The following TRIM37 variants were observed in gnomAD, a reference collection of about 807,000 sequenced individuals.
The protein encoded by TRIM37 is tripartite motif containing 37, also known as E3 ubiquitin-protein ligase TRIM37.
A neutral mutation model predicts 129.8 loss-of-function variants in TRIM37; 80 were observed. The ratio of observed to expected loss-of-function variants is 0.62; its 90% CI spans 0.51 to 0.74. The LOEUF (loss-of-function observed/expected upper bound fraction) is 0.74, where lower values mean the gene tolerates loss of function less well. Among genes scored for constraint, TRIM37 ranks in the 30% least tolerant of loss-of-function variants. TRIM37 has a pLI of 0.00. For synonymous variants in TRIM37, 389 were observed against 387.1 expected (o/e 1.00, Z -0.06); for missense variants, 1,054 against 1,176.5 (o/e 0.90, Z 1.52).
intron 1 of TRIM37, 197 bp from the exon 2 acceptor site, chr17:59,104,591 G>A (rs951983900): frequency 1.6e-5 from 12 of 740,490 alleles, no homozygotes; most frequent in Admixed American, 5.3e-5. Flanking sequence ...TTGGTTTCAC[G>A]ATGATTCTAT....
chr17:59,054,716 G>A (rs2040670789), intron 13 of TRIM37, among the ~76,000 whole-genome samples: 1 of 152,078 alleles, frequency 6.6e-6, no homozygotes, highest in Non-Finnish European at 1.5e-5. Flanking sequence ...CCAGGCTGGG[G>A]TGCAGTGGCA....
At chr17:59,042,425 G>A (rs1490063305) in intron 16 of TRIM37, among the ~76,000 whole-genome samples, 5 of 43,534 alleles carry the variant, frequency 1.1e-4, no homozygotes, top group Non-Finnish European at 1.5e-4. Context: ...AAGAAAAAAA[G>A]GAATTTAAAA....
chr17:59,005,319 T>C (rs1341806465), intron 22 of TRIM37, among the ~76,000 whole-genome samples: 1 of 152,196 alleles, frequency 6.6e-6, no homozygotes, highest in Non-Finnish European at 1.5e-5. Context: ...CGTCTCACTC[T>C]GTCACCCAGG....
In TRIM37 at chr17:59,075,717, G is replaced by C; in HGVS notation, c.617-3C>G. On this transcript the variant is annotated splice_polypyrimidine_tract_variant and splice_region_variant and intron_variant, in intron 7 of 23. Transcript: ENST00000262294. ...TTGGGTTAGAGATGTCTTCTGACCT[G>C]ATGAAAAATAGTGAATCATCAACAC... is the stretch of plus-strand genomic sequence containing the variant. 1.2e-6 allele frequency: 2 copies of C among 1,606,372 alleles called. No individual in the cohort carries two copies. Among genetic ancestry groups the C allele is most frequent in the Non-Finnish European group, 1.7e-6 (2 of 1,174,882 alleles).
intron 22 of TRIM37, among the ~76,000 whole-genome samples, chr17:59,009,070 G>A (rs761022224): frequency 2.0e-5 from 3 of 152,138 alleles, no homozygotes; most frequent in Non-Finnish European, 4.4e-5. Context: ...AGAGAGAGGC[G>A]ACAGTTAAGA....
At chr17:58,974,124 G>A in the TRIM37 span, among the ~76,000 whole-genome samples, 8 of 152,190 alleles carry the variant, frequency 5.3e-5, no homozygotes, top group Non-Finnish European at 7.4e-5. Context: ...GTGAGATCCT[G>A]TCTTAAAACA....
intron 17 of TRIM37, among the ~76,000 whole-genome samples, chr17:59,034,995 C>G (rs2038300595): frequency 6.6e-6 from 1 of 152,138 alleles, no homozygotes; most frequent in Non-Finnish European, 1.5e-5. Context: ...CTTTGGTCAA[C>G]ATTATTCATG....
intron 19 of TRIM37, among the ~76,000 whole-genome samples, chr17:59,017,849 C>T (rs966017156): frequency 2.0e-5 from 3 of 152,048 alleles, no homozygotes; most frequent in Admixed American, 6.6e-5. Flanking sequence ...GGGTCTCGAA[C>T]ACCTGAACTC....
At chr17:59,049,057 T>C (rs909752148) in intron 15 of TRIM37, 121 bp downstream of exon 15, 1 of 785,426 alleles carries the variant, frequency 1.3e-6, no homozygotes, top group South Asian at 1.5e-5. Flanking sequence ...CATACATTAC[T>C]AATGGAAATC....
chr17:59,014,911 C>CA (rs754096852), intron 21 of TRIM37, among the ~76,000 whole-genome samples: 2,945 of 133,678 alleles, frequency 0.022, 50 homozygotes, highest in African/African-American at 0.051. Flanking sequence ...CTAAAAATAC[C>CA]AAAAAAAAAA....
chr17:58,980,972 C>T (rs1052773038), downstream of TRIM37: 2 of 1,613,864 alleles, frequency 1.2e-6, no homozygotes, highest in African/African-American at 2.7e-5. This position sits in a 1 kb window ranked among gnomAD's most constrained non-coding sequence, Gnocchi z 4.7. Context: ...CATGAGGAAG[C>T]TCAGAAAGAC....
intron 18 of TRIM37, among the ~76,000 whole-genome samples, 172 bp from the exon 19 acceptor site, chr17:59,028,895 C>T (rs574382885): frequency 2.0e-5 from 3 of 152,106 alleles, no homozygotes; most frequent in African/African-American, 7.2e-5. Context: ...AAGAATCCTA[C>T]CTTATTCACA....
chr17:59,024,519 A>G (rs2037009855), intron 19 of TRIM37, among the ~76,000 whole-genome samples: 1 of 152,156 alleles, frequency 6.6e-6, no homozygotes, highest in Non-Finnish European at 1.5e-5. Context: ...AAAGATCTCA[A>G]TTGCCCAAAT....
At chr17:59,015,904 G>A in intron 20 of TRIM37, 105 bp from the exon 21 acceptor site, 1 of 1,086,748 alleles carries the variant, frequency 9.2e-7, no homozygotes, top group South Asian at 1.3e-5. Flanking sequence ...ACTTGAACCT[G>A]GGAGGCGGAG....
intron 19 of TRIM37, among the ~76,000 whole-genome samples, chr17:59,022,734 G>T: frequency 6.6e-6 from 1 of 152,074 alleles, no homozygotes; most frequent in East Asian, 1.9e-4. Flanking sequence ...TACTAAACAG[G>T]TTTAGTAACC....
chr17:59,004,836 C>T (rs955856506), intron 22 of TRIM37, among the ~76,000 whole-genome samples: 3 of 152,196 alleles, frequency 2.0e-5, no homozygotes, highest in African/African-American at 7.2e-5. Flanking sequence ...TTCAGTGGTA[C>T]ACTCTTCCTT....
chr17:59,064,539 AT>A, intron 9 of TRIM37, 134 bp from the exon 10 acceptor site: 1 of 653,538 alleles, frequency 1.5e-6, no homozygotes, highest in Non-Finnish European at 2.7e-6. Flanking sequence ...TTAAATCTTT[AT>A]TGAACATAAC....
In TRIM37 at chr17:59,054,845, T is replaced by C. The variant is rs368564537; in HGVS notation, c.1199+2030A>G. 1.4e-4 allele frequency among the ~76,000 whole-genome samples: 21 copies of C among 151,612 alleles called. No individual in the cohort carries two copies. In the East Asian group the frequency reaches 3.6e-3, roughly 26 times the overall value. ...ACAGCCCGGCTAATTTTTGTATTTT[T>C]AGTAGAGATAGGATTTCACCATATT... On this transcript the variant is annotated intron_variant, in intron 13 of 23. Transcript: ENST00000262294.
chr17:59,008,584 T>A (rs1231491425), intron 22 of TRIM37, among the ~76,000 whole-genome samples: 1 of 152,178 alleles, frequency 6.6e-6, no homozygotes, highest in Non-Finnish European at 1.5e-5. Flanking sequence ...TGTAAATTGA[T>A]AAATTGGAGG....
Sources: gnomAD v4.1 joint callset for allele counts (sites outside exome capture counted in the v4.1 genomes callset) on GRCh38, gnomAD v4.1.1 for gene constraint, Gnocchi (gnomAD v3.1) non-coding constraint, MANE v1.5 for transcripts, NCBI Gene and HGNC (gene_info 2026-07-23, HGNC 2026-07-21) for gene names.